Variants in MEGF11 observed in about 807,000 individuals in gnomAD.
The protein encoded by MEGF11 is multiple epidermal growth factor-like domains protein 11.
MEGF11 carries 126 observed loss-of-function variants against 146.6 expected under a neutral mutation model. That is an observed-to-expected ratio of 0.86 (90% CI 0.74 to 1.00). The LOEUF is 1.00. Ranked by LOEUF, MEGF11 falls within the 50% of genes least tolerant of loss-of-function variation. The pLI is 0.00. For missense variants in MEGF11, 1,509 were observed against 1,521.2 expected (o/e 0.99, Z 0.13); for synonymous variants, 532 against 583.4 (o/e 0.91, Z 1.27).
chr15:66,059,864 C>T (rs781410760), intron 5 of MEGF11, among the ~76,000 whole-genome samples: 1 of 152,170 alleles, frequency 6.6e-6, no homozygotes, highest in Non-Finnish European at 1.5e-5. Context: ...GTAAAACAAA[C>T]AAGCTGGAAA....
At chr15:65,958,849 A>G (rs1419076774) in intron 9 of MEGF11, among the ~76,000 whole-genome samples, 1 of 152,202 alleles carries the variant, frequency 6.6e-6, no homozygotes, top group East Asian at 1.9e-4. Context: ...ACACCAAAGA[A>G]GTGCTGGGTG....
At chr15:66,029,829 C>T (rs547341843) in intron 5 of MEGF11, among the ~76,000 whole-genome samples, 19 of 152,350 alleles carry the variant, frequency 1.2e-4, no homozygotes, top group African/African-American at 4.6e-4. Context: ...GCCTATGACT[C>T]TTCCCTCCTG....
intron 4 of MEGF11, among the ~76,000 whole-genome samples, chr15:66,103,567 G>A (rs955513717): frequency 7.9e-5 from 12 of 152,210 alleles, no homozygotes; most frequent in Non-Finnish European, 1.3e-4. Context: ...GAGGGAAAGA[G>A]TAAGAGGAGG....
In MEGF11 at chr15:65,948,826, A is replaced by AGT. The variant is rs56678880; in HGVS notation, c.1287+8719_1287+8720dup. Among the ~76,000 whole-genome samples the AGT allele has an allele frequency of 1.4e-3, 217 of 151,160 alleles. 1 individual carries two copies. The highest frequency in any genetic ancestry group is 4.5e-3 in the Admixed American group (68 of 15,194). ...AACAGAGCTAGGACTTGGGTACTGG[A>AGT]GTGTGTGTGTGTGTGTGTCTTATTT... On this transcript the variant is annotated intron_variant, in intron 10 of 25. Transcript: ENST00000395614.
At chr15:66,072,130 A>AC (rs1417747120) in intron 5 of MEGF11, among the ~76,000 whole-genome samples, 1 of 152,160 alleles carries the variant, frequency 6.6e-6, no homozygotes, top group African/African-American at 2.4e-5. Flanking sequence ...GCATGATCAC[A>AC]CCCACTAGAT....
At chr15:66,066,123 A>G (rs2085113940) in intron 5 of MEGF11, among the ~76,000 whole-genome samples, 1 of 152,176 alleles carries the variant, frequency 6.6e-6, no homozygotes, top group Non-Finnish European at 1.5e-5. Flanking sequence ...CTCCCTAAGA[A>G]CTTCCCAAAT....
At chr15:66,118,957 T>A in intron 4 of MEGF11, 129 bp downstream of exon 4, 1 of 639,244 alleles carries the variant, frequency 1.6e-6, no homozygotes, top group Non-Finnish European at 2.7e-6. Flanking sequence ...GGCAGGGACT[T>A]CTGGAGCCAT....
chr15:66,221,659 C>T (rs2091741665), intron 1 of MEGF11, among the ~76,000 whole-genome samples: 1 of 151,328 alleles, frequency 6.6e-6, no homozygotes, highest in Non-Finnish European at 1.5e-5. Context: ...CATATTTTGT[C>T]TGATTTCTGG....
chr15:66,074,312 G>A (rs1251758304), intron 5 of MEGF11, among the ~76,000 whole-genome samples: 1 of 152,180 alleles, frequency 6.6e-6, no homozygotes, highest in Non-Finnish European at 1.5e-5. Context: ...CACTCAATAT[G>A]ATATATTTGA....
At chr15:65,951,964 T>A (rs2080419252) in intron 10 of MEGF11, among the ~76,000 whole-genome samples, 1 of 152,154 alleles carries the variant, frequency 6.6e-6, no homozygotes, top group South Asian at 2.1e-4. Context: ...ATTGTGCCAT[T>A]ACACTACAGC....
At chr15:66,209,487 A>G (rs934776086) in intron 1 of MEGF11, among the ~76,000 whole-genome samples, 1 of 152,250 alleles carries the variant, frequency 6.6e-6, no homozygotes, top group Non-Finnish European at 1.5e-5. Context: ...TTTATTTGTA[A>G]CAGCCAAAAA....
chr15:66,231,948 C>A (rs1319492017), intron 1 of MEGF11, among the ~76,000 whole-genome samples: 1 of 152,230 alleles, frequency 6.6e-6, no homozygotes, highest in African/African-American at 2.4e-5. Context: ...ATCCCCCCAA[C>A]AACCCTACAA....
intron 5 of MEGF11, among the ~76,000 whole-genome samples, chr15:66,039,729 G>A (rs1597017847): frequency 6.6e-6 from 1 of 152,118 alleles, no homozygotes; most frequent in African/African-American, 2.4e-5. Context: ...GCAGAGGTGA[G>A]CCATTTGGCT....
intron 5 of MEGF11, among the ~76,000 whole-genome samples, chr15:66,073,138 G>C (rs563202153): frequency 1.3e-5 from 2 of 152,322 alleles, no homozygotes; most frequent in African/African-American, 4.8e-5. Context: ...TTCCTGTGCA[G>C]TGCACCCCCA....
chr15:66,060,268 G>A (rs2084848852), intron 5 of MEGF11, among the ~76,000 whole-genome samples: 1 of 152,176 alleles, frequency 6.6e-6, no homozygotes, highest in Non-Finnish European at 1.5e-5. Flanking sequence ...TGCCCCAGAA[G>A]TGGTGGCAGA....
At chr15:66,097,565 T>A (rs1411976701) in intron 4 of MEGF11, among the ~76,000 whole-genome samples, 1 of 152,048 alleles carries the variant, frequency 6.6e-6, no homozygotes, top group Non-Finnish European at 1.5e-5. Context: ...TGCACATCCA[T>A]CTGCTGTCGT....
intron 5 of MEGF11, among the ~76,000 whole-genome samples, chr15:66,089,661 A>G (rs1310932287): frequency 6.6e-6 from 1 of 152,268 alleles, no homozygotes; most frequent in Admixed American, 6.5e-5. Flanking sequence ...TATTTAATTT[A>G]GGAATTGGCT....
At chr15:66,191,090 G>A (rs1342974589) in intron 1 of MEGF11, among the ~76,000 whole-genome samples, 11 of 152,050 alleles carry the variant, frequency 7.2e-5, no homozygotes, top group Admixed American at 7.2e-4. Context: ...CCCGATATCA[G>A]GCCAGACTTA....
intron 4 of MEGF11, among the ~76,000 whole-genome samples, chr15:66,096,936 T>C (rs970178735): frequency 2.0e-5 from 3 of 152,100 alleles, no homozygotes; most frequent in African/African-American, 4.8e-5. Flanking sequence ...CCCCCCACAC[T>C]GCAGACACAG....
Sources: allele counts gnomAD v4.1 joint callset (sites outside exome capture counted in the v4.1 genomes callset), GRCh38; gene constraint gnomAD v4.1.1; transcripts MANE v1.5; gene names NCBI Gene and HGNC (gene_info 2026-07-23, HGNC 2026-07-21).